SLC25A48: variants seen among roughly 807,000 people sequenced by gnomAD.
The protein encoded by SLC25A48 is solute carrier family 25 member 48.
A neutral mutation model predicts 32.2 loss-of-function variants in SLC25A48; 29 were observed. The ratio of observed to expected loss-of-function variants is 0.90; its 90% CI spans 0.67 to 1.23. SLC25A48 has a LOEUF of 1.23. SLC25A48 is among the 50% of genes most tolerant of loss of function. The probability of loss-of-function intolerance (pLI) is 0.00; values close to 1 mark genes in which losing one functional copy is unlikely to be tolerated. For synonymous variants in SLC25A48, 164 were observed against 172.3 expected (o/e 0.95, Z 0.38); for missense variants, 399 against 422.7 (o/e 0.94, Z 0.49).
intron 3 of SLC25A48, among the ~76,000 whole-genome samples, chr5:135,657,465 A>G (rs1336384518): frequency 2.0e-5 from 3 of 152,258 alleles, no homozygotes; most frequent in East Asian, 3.8e-4. Context: ...GACATGAGCT[A>G]TGGAATAAAG....
chr5:135,583,942 G>T (rs942352876), intron 1 of SLC25A48, among the ~76,000 whole-genome samples: 1 of 152,294 alleles, frequency 6.6e-6, no homozygotes, highest in East Asian at 1.9e-4. Context: ...GCCATGCTCT[G>T]GGGTGAAGGA....
chr5:135,645,059 C>A (rs930453188), intron 3 of SLC25A48, among the ~76,000 whole-genome samples: 16 of 152,222 alleles, frequency 1.1e-4, no homozygotes, highest in Non-Finnish European at 2.9e-5. Flanking sequence ...CACAAGGCTT[C>A]CTCTGCACTG....
intron 3 of SLC25A48, among the ~76,000 whole-genome samples, chr5:135,744,694 G>T (rs937780800): frequency 2.0e-5 from 3 of 152,102 alleles, no homozygotes; most frequent in African/African-American, 4.8e-5. Flanking sequence ...ATTGCTGATG[G>T]TCACACCACA....
intron 1 of SLC25A48, among the ~76,000 whole-genome samples, chr5:135,590,378 C>T (rs1751491890): frequency 6.6e-6 from 1 of 152,194 alleles, no homozygotes; most frequent in Admixed American, 6.5e-5. Context: ...CCATCCCTGC[C>T]CATGGGCCCC....
chr5:135,591,755 A>G lies in SLC25A48; in HGVS notation c.-849+12158A>G, dbSNP rs548679717. Among the ~76,000 whole-genome samples the G allele has an allele frequency of 4.6e-5, 7 of 152,288 alleles. No individual in the cohort carries two copies. The East Asian group carries it at 1.4e-3, about 29-fold the overall frequency. ...AGGAGCGGTTCTGGGAGGCAATTGAATGCTTTCAGAGACCCTGGCAAAATG... is the reference window on the plus strand; with the variant it reads ...AGGAGCGGTTCTGGGAGGCAATTGAGTGCTTTCAGAGACCCTGGCAAAATG... On this transcript the variant is annotated intron_variant, in intron 1 of 10. Transcript: ENST00000646290.
chr5:135,715,927 G>C (rs1393876208), intron 3 of SLC25A48, among the ~76,000 whole-genome samples: 1 of 152,190 alleles, frequency 6.6e-6, no homozygotes, highest in African/African-American at 2.4e-5. Flanking sequence ...TCTCTGGGCT[G>C]TGGGGCTCCA....
chr5:135,750,360 C>G (rs1228093237), intron 3 of SLC25A48, among the ~76,000 whole-genome samples: 3 of 152,144 alleles, frequency 2.0e-5, no homozygotes, highest in Non-Finnish European at 4.4e-5. Context: ...TGGCTTCATT[C>G]GACTGGGGGT....
intron 3 of SLC25A48, among the ~76,000 whole-genome samples, chr5:135,646,292 C>A (rs538692718): frequency 6.6e-6 from 1 of 152,132 alleles, no homozygotes; most frequent in Non-Finnish European, 1.5e-5. Flanking sequence ...TTCAGGAGAC[C>A]CAGCATGTGT....
chr5:135,807,915 A>G (rs1757501621), intron 3 of SLC25A48, among the ~76,000 whole-genome samples: 1 of 150,514 alleles, frequency 6.6e-6, no homozygotes, highest in Non-Finnish European at 1.5e-5. Flanking sequence ...AACACTGTAT[A>G]TTATAAATAT....
At chr5:135,638,038 A>G (rs1752745898) in intron 3 of SLC25A48, among the ~76,000 whole-genome samples, 1 of 152,220 alleles carries the variant, frequency 6.6e-6, no homozygotes, top group African/African-American at 2.4e-5. Context: ...AGTTACTGTC[A>G]GCCACGGAAC....
At chr5:135,620,557 G>T (rs139250238) in intron 1 of SLC25A48, among the ~76,000 whole-genome samples, 2 of 152,092 alleles carry the variant, frequency 1.3e-5, no homozygotes, top group African/African-American at 4.8e-5. Flanking sequence ...CTTCAGCCCC[G>T]CAGCAGACTG....
At chr5:135,757,118 A>G (rs1263625852) in intron 3 of SLC25A48, among the ~76,000 whole-genome samples, 3 of 150,234 alleles carry the variant, frequency 2.0e-5, no homozygotes, top group African/African-American at 7.3e-5. Context: ...TAATTTTAAC[A>G]CAGTGTTAAC....
intron 5 of SLC25A48, among the ~76,000 whole-genome samples, chr5:135,873,736 C>G (rs1469601983): frequency 2.0e-5 from 3 of 152,210 alleles, no homozygotes; most frequent in Non-Finnish European, 4.4e-5. Flanking sequence ...CTCAATGCTT[C>G]ACGTTCATCA....
chr5:135,666,677 GAGAGAGAGAGAGAGAA>G (rs1753533222), intron 3 of SLC25A48, among the ~76,000 whole-genome samples: 1 of 67,680 alleles, frequency 1.5e-5, no homozygotes, highest in Non-Finnish European at 3.6e-5. Context: ...GAGAGAGAGA[GAGAGAGAGAGAGAGAA>G]TTAGTTTAGG....
In SLC25A48 at chr5:135,744,404, G is replaced by A. The variant is rs192066287; in HGVS notation, c.-520-68119G>A. 1.3e-3 allele frequency among the ~76,000 whole-genome samples: 200 copies of A among 151,962 alleles called. 1 individual carries two copies. Among genetic ancestry groups the A allele is most frequent in the Non-Finnish European group, 2.3e-3 (157 of 67,958 alleles). ...CTCACTCTGTCACCCAGGCTGGGGG[G>A]CAGTGGCATGATCTCAGCTCACTGC... is the stretch of plus-strand genomic sequence containing the variant. On this transcript the variant is annotated intron_variant, in intron 3 of 10. Transcript: ENST00000646290.
At chr5:135,632,401 A>C (rs1752596853) in intron 2 of SLC25A48, among the ~76,000 whole-genome samples, 1 of 152,206 alleles carries the variant, frequency 6.6e-6, no homozygotes, top group Admixed American at 6.5e-5. Context: ...GGACTCAAGA[A>C]GGGTTAGATG....
rs577876272 is a variant in SLC25A48 at position 135,880,717 on chromosome 5, G to A, written c.*7+620G>A. ...TAGATAAAGCCTTCACCCTGCTTCC[G>A]CCAGCCTCACTCCTCACCACTGTTC... On this transcript the variant is annotated intron_variant, in intron 7 of 7. Transcript: ENST00000681962. 1.8e-4 allele frequency among the ~76,000 whole-genome samples: 28 copies of A among 151,756 alleles called. 1 individual carries two copies. Among genetic ancestry groups the A allele is most frequent in the East Asian group, 5.8e-4 (3 of 5,172 alleles).
At chr5:135,615,976 C>G (rs528384474) in intron 1 of SLC25A48, among the ~76,000 whole-genome samples, 113 of 152,362 alleles carry the variant, frequency 7.4e-4, no homozygotes, top group Non-Finnish European at 1.5e-3. Flanking sequence ...GCTGCTGCTT[C>G]AGAAGGTGCA....
chr5:135,865,293 A>G (rs779076384), intron 4 of SLC25A48, among the ~76,000 whole-genome samples: 1 of 152,162 alleles, frequency 6.6e-6, no homozygotes, highest in Non-Finnish European at 1.5e-5. Context: ...CTGGACTCTT[A>G]GAAACAGGAA....
Sources: allele counts gnomAD v4.1 joint callset (sites outside exome capture counted in the v4.1 genomes callset), GRCh38; gene constraint gnomAD v4.1.1; transcripts MANE v1.5; gene names NCBI Gene and HGNC (gene_info 2026-07-23, HGNC 2026-07-21).